THADA: variants seen among roughly 807,000 people sequenced by gnomAD.
THADA encodes THADA armadillo repeat containing.
In THADA, 213 loss-of-function variants were observed where a neutral mutation model predicts 219.8. That is an observed-to-expected ratio of 0.97 (90% CI 0.87 to 1.09). The LOEUF is 1.09. THADA is among the 50% of genes least tolerant of loss of function. The pLI, the probability that THADA is intolerant of heterozygous loss-of-function variation, is 0.00. For missense variants in THADA, 2,956 were observed against 2,311.3 expected (o/e 1.28, Z -5.72); for synonymous variants, 1,018 against 828.9 (o/e 1.23, Z -3.92).
intron 4 of THADA, among the ~76,000 whole-genome samples, chr2:43,590,000 A>C (rs1407532268): frequency 1.3e-5 from 2 of 152,182 alleles, no homozygotes; most frequent in Non-Finnish European, 2.9e-5. Flanking sequence ...AATCTCGTTT[A>C]CAGATATATA....
intron 29 of THADA, among the ~76,000 whole-genome samples, chr2:43,358,343 C>T (rs897961825): frequency 7.2e-5 from 11 of 151,958 alleles, no homozygotes; most frequent in African/African-American, 2.4e-5. Context: ...AGAGAGAAAT[C>T]AAAGATAAGA....
chr2:43,559,386 T>C (rs1017538564), intron 16 of THADA, among the ~76,000 whole-genome samples: 4 of 152,202 alleles, frequency 2.6e-5, no homozygotes, highest in African/African-American at 9.7e-5. Flanking sequence ...CTCTCTGGCA[T>C]GTGATCCTAC....
At chr2:43,366,002 G>A (rs887114269) in intron 29 of THADA, among the ~76,000 whole-genome samples, 11 of 152,290 alleles carry the variant, frequency 7.2e-5, no homozygotes, top group African/African-American at 2.4e-4. Context: ...TGACTAACGT[G>A]AATATTGTGT....
At chr2:43,345,752 G>A (rs982664784) in intron 29 of THADA, among the ~76,000 whole-genome samples, 2 of 152,138 alleles carry the variant, frequency 1.3e-5, no homozygotes, top group African/African-American at 4.8e-5. Flanking sequence ...GCTTTTCATG[G>A]TGTCACAGGA....
chr2:43,430,442 C>G (rs1010309310), intron 26 of THADA, 140 bp from the exon 27 acceptor site: 1 of 573,282 alleles, frequency 1.7e-6, no homozygotes, highest in South Asian at 2.4e-5. Context: ...TCTACAGCAT[C>G]TTAAGAATTT....
chr2:43,405,094 C>G (rs879887410), intron 28 of THADA, among the ~76,000 whole-genome samples: 1 of 152,196 alleles, frequency 6.6e-6, no homozygotes, highest in Non-Finnish European at 1.5e-5. Flanking sequence ...TCTAAATGAG[C>G]TGGAAAGGAG....
intron 26 of THADA, among the ~76,000 whole-genome samples, chr2:43,475,647 T>A (rs1193992533): frequency 6.6e-6 from 1 of 152,182 alleles, no homozygotes; most frequent in Admixed American, 6.5e-5. Flanking sequence ...AGGAACTGAT[T>A]ACATTCTACT....
chr2:43,510,988 T>A (rs1360160466), intron 22 of THADA, among the ~76,000 whole-genome samples: 5 of 143,860 alleles, frequency 3.5e-5, no homozygotes, highest in Non-Finnish European at 6.0e-5. Flanking sequence ...ACTAAAAAAA[T>A]TTAAAAAAAA....
intron 36 of THADA, among the ~76,000 whole-genome samples, chr2:43,240,689 C>T (rs567592420): frequency 6.6e-6 from 1 of 152,148 alleles, no homozygotes; most frequent in African/African-American, 2.4e-5. Context: ...CCCAGCTGAC[C>T]CCTACTGGAG....
intron 28 of THADA, among the ~76,000 whole-genome samples, chr2:43,407,288 T>C (rs902163912): frequency 6.6e-6 from 1 of 152,214 alleles, no homozygotes; most frequent in African/African-American, 2.4e-5. Context: ...GAATTTACCA[T>C]CTTATTTTTT....
intron 29 of THADA, among the ~76,000 whole-genome samples, chr2:43,379,283 T>A (rs182245584): frequency 6.6e-6 from 1 of 151,750 alleles, no homozygotes; most frequent in East Asian, 1.9e-4. Flanking sequence ...TCCAACAGAA[T>A]AAGGTAAAAA....
intron 31 of THADA, among the ~76,000 whole-genome samples, chr2:43,297,521 G>A (rs1208575521): frequency 8.7e-6 from 1 of 114,390 alleles, no homozygotes; most frequent in Admixed American, 7.8e-5. Context: ...CCCCCGCCCG[G>A]CCAGCCGTGC....
At chr2:43,436,339 T>C (rs1680100755) in intron 26 of THADA, among the ~76,000 whole-genome samples, 1 of 152,148 alleles carries the variant, frequency 6.6e-6, no homozygotes, top group Non-Finnish European at 1.5e-5. Context: ...ATGGTGTCTG[T>C]TTTTTGAAAT....
chr2:43,552,472 G>T, intron 17 of THADA, 133 bp from the exon 18 acceptor site: 2 of 989,640 alleles, frequency 2.0e-6, no homozygotes, highest in Admixed American at 6.4e-5. Context: ...ATCAAAAAGA[G>T]ATCTTTCAGG....
intron 30 of THADA, among the ~76,000 whole-genome samples, chr2:43,340,642 T>G (rs1488937224): frequency 1.3e-5 from 2 of 152,208 alleles, no homozygotes; most frequent in Non-Finnish European, 2.9e-5. Flanking sequence ...GCAAAAACAT[T>G]AATTTTTCAT....
At chr2:43,423,022 T>C (rs770715866) in intron 28 of THADA, among the ~76,000 whole-genome samples, 1 of 152,208 alleles carries the variant, frequency 6.6e-6, no homozygotes, top group Non-Finnish European at 1.5e-5. Context: ...ATCTAGAGAA[T>C]AGGATGACAT....
At chr2:43,416,344 T>TAAAGAA (rs1676968456) in intron 28 of THADA, among the ~76,000 whole-genome samples, 2 of 152,218 alleles carry the variant, frequency 1.3e-5, no homozygotes, top group South Asian at 4.1e-4. Flanking sequence ...CCACAGTTTC[T>TAAAGAA]GCTAAAACAG....
At chr2:43,280,567 G>C (rs1673223434) in intron 35 of THADA, among the ~76,000 whole-genome samples, 1 of 152,174 alleles carries the variant, frequency 6.6e-6, no homozygotes, top group Non-Finnish European at 1.5e-5. Context: ...GAGAGGCAGA[G>C]GTTGCAGTGA....
chr2:43,337,858 G>A (rs1456296100), intron 30 of THADA, among the ~76,000 whole-genome samples: 1 of 152,044 alleles, frequency 6.6e-6, no homozygotes, highest in Non-Finnish European at 1.5e-5. Context: ...CTTCAAAAAT[G>A]ATGTTTTCAA....
Sources: allele counts gnomAD v4.1 joint callset (sites outside exome capture counted in the v4.1 genomes callset), GRCh38; gene constraint gnomAD v4.1.1; transcripts MANE v1.5; gene names NCBI Gene and HGNC (gene_info 2026-07-23, HGNC 2026-07-21).